Variants in OXCT1 observed in about 807,000 individuals in gnomAD.
The protein encoded by OXCT1 is succinyl-CoA:3-ketoacid coenzyme A transferase 1, mitochondrial.
Under a neutral mutation model 69.6 loss-of-function variants are expected in OXCT1, and 27 were observed. That is an observed-to-expected ratio of 0.39 (90% CI 0.29 to 0.54). The LOEUF is 0.54. Among genes scored for constraint, OXCT1 ranks in the 20% least tolerant of loss-of-function variants. The probability of loss-of-function intolerance (pLI) is 0.72; values close to 1 mark genes in which losing one functional copy is unlikely to be tolerated. For missense variants in OXCT1, 437 were observed against 650.2 expected (o/e 0.67, Z 3.57); for synonymous variants, 202 against 217.8 (o/e 0.93, Z 0.64).
At chr5:41,733,312 T>C (rs914426393) in intron 16 of OXCT1, among the ~76,000 whole-genome samples, 66 of 151,220 alleles carry the variant, frequency 4.4e-4, no homozygotes, top group Non-Finnish European at 8.0e-4. Context: ...AATGGCGCGA[T>C]CTTGGCTCAC....
rs574704874 is a variant in OXCT1, at chr5:41,768,744, G to A, written c.1249-6544C>T. Among the ~76,000 whole-genome samples the A allele has an allele frequency of 2.9e-4, 44 of 152,260 alleles. No homozygotes were observed. In the South Asian group the frequency reaches 3.9e-3, roughly 14 times the overall value. On this transcript the variant is annotated intron_variant, in intron 13 of 16. Coordinates refer to ENST00000196371, the MANE Select transcript of OXCT1 (RefSeq NM_000436.4). ...TAGTAGTCTCCTTACTGGTCAACAT[G>A]TGTCCAGCTTTGTCCCTCTCTGTCC...
At position 41,867,591 on chromosome 5, in the gene OXCT1, G is replaced by A. The variant is rs116132746; in HGVS notation, c.78+2690C>T. Among the ~76,000 whole-genome samples, 725 of 152,310 alleles carry A rather than the reference G, an allele frequency of 4.8e-3. 12 individuals carry two copies. The highest frequency in any genetic ancestry group is 0.017 in the African/African-American group (691 of 41,562). On this transcript the variant is annotated intron_variant, in intron 1 of 16. Transcript: ENST00000196371. ...AGGATTTCCAGCTTATATACTGGAT[G>A]GATACTGGTGCTGTTAAGCACAGTG...
intron 7 of OXCT1, among the ~76,000 whole-genome samples, chr5:41,830,663 A>G (rs1255663259): frequency 2.0e-5 from 3 of 152,158 alleles, no homozygotes; most frequent in African/African-American, 4.8e-5. Flanking sequence ...ATGGGATCTA[A>G]TGAAGTTTTT....
chr5:41,805,610 T>C lies in OXCT1; in HGVS notation c.912A>G (p.Arg304=). 1.2e-6 allele frequency: 2 copies of C among 1,613,118 alleles called. No individual in the cohort carries two copies. The highest frequency in any genetic ancestry group is 3.3e-4 in the Middle Eastern group (2 of 6,054). The change falls in exon 9 of 17, where the codon CGA becomes CGG. Residue 304 remains arginine (R), a synonymous_variant. Transcript: ENST00000196371. ...ACTCAAGAGCGGCCCTCTTGATGAT[T>C]CGTTCCCTTACGTCATCTCCAGGTT... ...SAKPGDDVRE[R]IIKRAALEFE... is the part of the protein sequence containing the mutation.
intron 13 of OXCT1, among the ~76,000 whole-genome samples, chr5:41,779,938 C>T (rs777954412): frequency 1.4e-4 from 21 of 152,032 alleles, no homozygotes; most frequent in Admixed American, 3.3e-4. Context: ...TTCAGAAAAA[C>T]ACAGAGCCTT....
intron 13 of OXCT1, among the ~76,000 whole-genome samples, chr5:41,775,284 C>T (rs367839373): frequency 3.9e-5 from 6 of 152,298 alleles, no homozygotes; most frequent in East Asian, 3.9e-4. Context: ...GTACCTCTGA[C>T]GAACCAGCTA....
intron 14 of OXCT1, among the ~76,000 whole-genome samples, chr5:41,755,204 A>C (rs1383286384): frequency 6.6e-6 from 1 of 152,078 alleles, no homozygotes; most frequent in Non-Finnish European, 1.5e-5. Flanking sequence ...ATTTAAAGTG[A>C]TAAGGTTAAT....
At chr5:41,740,072 A>G (rs1046708499) in intron 15 of OXCT1, among the ~76,000 whole-genome samples, 3 of 152,214 alleles carry the variant, frequency 2.0e-5, no homozygotes, top group African/African-American at 7.2e-5. Context: ...CCAGTTTTTT[A>G]AAAACTACCT....
At chr5:41,777,777 A>C (rs1355030738) in intron 13 of OXCT1, among the ~76,000 whole-genome samples, 2 of 152,222 alleles carry the variant, frequency 1.3e-5, no homozygotes, top group Non-Finnish European at 2.9e-5. Flanking sequence ...GAAAGCCATG[A>C]TTTATAAAAA....
intron 4 of OXCT1, among the ~76,000 whole-genome samples, chr5:41,850,876 C>T (rs1749143333): frequency 6.6e-6 from 1 of 152,178 alleles, no homozygotes; most frequent in Non-Finnish European, 1.5e-5. Flanking sequence ...TCACTCTCAA[C>T]TGTTTTTCTA....
At chr5:41,778,838 AT>A (rs1258509540) in intron 13 of OXCT1, among the ~76,000 whole-genome samples, 1 of 152,192 alleles carries the variant, frequency 6.6e-6, no homozygotes, top group Non-Finnish European at 1.5e-5. Context: ...CTTAGTTTTT[AT>A]TAGTTTCTAG....
chr5:41,784,987 A>C (rs1040601192), intron 13 of OXCT1, among the ~76,000 whole-genome samples: 4 of 152,224 alleles, frequency 2.6e-5, no homozygotes, highest in African/African-American at 9.6e-5. Flanking sequence ...ATTAGTTTTC[A>C]ACATGTTTTC....
At chr5:41,853,301 T>G (rs992305679) in intron 4 of OXCT1, 118 bp downstream of exon 4, 1 of 856,198 alleles carries the variant, frequency 1.2e-6, no homozygotes, top group Non-Finnish European at 1.9e-6. Flanking sequence ...CAAAATTCCC[T>G]GGTTTGGCAA....
chr5:41,848,134 T>C (rs1380276262), intron 5 of OXCT1, among the ~76,000 whole-genome samples: 3 of 148,534 alleles, frequency 2.0e-5, no homozygotes, highest in Admixed American at 6.7e-5. Flanking sequence ...TATACACCAA[T>C]AACAGACAAA....
intron 1 of OXCT1, among the ~76,000 whole-genome samples, chr5:41,864,041 C>G (rs946889709): frequency 2.6e-5 from 4 of 152,160 alleles, no homozygotes; most frequent in African/African-American, 9.7e-5. Flanking sequence ...GTAAGTCTAG[C>G]CTTACCACTG....
intron 7 of OXCT1, among the ~76,000 whole-genome samples, chr5:41,831,027 C>T (rs1748071303): frequency 6.6e-6 from 1 of 152,302 alleles, no homozygotes; most frequent in South Asian, 2.1e-4. Flanking sequence ...TAAAGTAAAA[C>T]AACCAGCTTG....
intron 13 of OXCT1, among the ~76,000 whole-genome samples, chr5:41,773,099 A>G (rs181704323): frequency 6.6e-6 from 1 of 152,368 alleles, no homozygotes; most frequent in African/African-American, 2.4e-5. Flanking sequence ...GCGATTTGCC[A>G]CAAAGTTAAT....
In OXCT1 at chr5:41,757,475, A is replaced by G. The variant is rs78458444; in HGVS notation, c.1338+4636T>C. ...TACTGATTTCCATGACTCTGCCCCCATAAGACTGGGCTGCCTGAAGGACCA... is the reference window on the plus strand; with the variant it reads ...TACTGATTTCCATGACTCTGCCCCCGTAAGACTGGGCTGCCTGAAGGACCA... On this transcript the variant is annotated intron_variant, in intron 14 of 16. Coordinates refer to ENST00000196371, the MANE Select transcript of OXCT1 (RefSeq NM_000436.4). Among the ~76,000 whole-genome samples, 1,427 of 152,150 alleles carry G rather than the reference A, an allele frequency of 9.4e-3. 26 individuals are homozygous for G. Among genetic ancestry groups the G allele is most frequent in the African/African-American group, 0.03 (1,234 of 41,528 alleles).
chr5:41,740,062 C>T (rs1743090267), intron 15 of OXCT1, among the ~76,000 whole-genome samples: 1 of 152,056 alleles, frequency 6.6e-6, no homozygotes, highest in Non-Finnish European at 1.5e-5. Flanking sequence ...ACTACTGCAA[C>T]CAGTTTTTTA....
Sources: gnomAD v4.1 joint callset for allele counts (sites outside exome capture counted in the v4.1 genomes callset) on GRCh38, gnomAD v4.1.1 for gene constraint, MANE v1.5 for transcripts, NCBI Gene and HGNC (gene_info 2026-07-23, HGNC 2026-07-21) for gene names.